The following PCDH15 variants were observed in gnomAD, a reference collection of about 807,000 sequenced individuals.
PCDH15 encodes protocadherin related 15, also known as protocadherin-15.
PCDH15 carries 129 observed loss-of-function variants against 178.5 expected under a neutral mutation model. That is an observed-to-expected ratio of 0.72 (90% CI 0.63 to 0.84). PCDH15 has a LOEUF of 0.84. Ranked by LOEUF, PCDH15 falls within the 40% of genes least tolerant of loss-of-function variation. PCDH15 has a pLI of 0.00. For missense variants in PCDH15, 2,230 were observed against 2,099.9 expected (o/e 1.06, Z -1.21); for synonymous variants, 800 against 732.0 (o/e 1.09, Z -1.50).
intron 1 of PCDH15, among the ~76,000 whole-genome samples, chr10:55,314,602 T>C (rs922855090): frequency 3.3e-5 from 5 of 151,686 alleles, no homozygotes; most frequent in Non-Finnish European, 5.9e-5. Context: ...TCCAACTGCC[T>C]GTAACTTTTT....
chr10:54,818,414 T>C (rs1952981808), intron 3 of PCDH15, among the ~76,000 whole-genome samples: 1 of 152,044 alleles, frequency 6.6e-6, no homozygotes, highest in African/African-American at 2.4e-5. Flanking sequence ...TCACTTTTCT[T>C]ATTAAGAGGC....
chr10:53,980,522 G>C (rs1302387120), intron 21 of PCDH15, among the ~76,000 whole-genome samples: 1 of 152,104 alleles, frequency 6.6e-6, no homozygotes, highest in African/African-American at 2.4e-5. Context: ...GAGGATGTAA[G>C]CACTGTACCA....
chr10:55,342,797 G>A (rs1588935302), intron 2 of PCDH15, among the ~76,000 whole-genome samples: 1 of 152,264 alleles, frequency 6.6e-6, no homozygotes, highest in South Asian at 2.1e-4. Context: ...GCTGAGGAGG[G>A]CACATTTCTG....
intron 2 of PCDH15, among the ~76,000 whole-genome samples, chr10:55,481,464 G>T (rs1450012203): frequency 1.3e-5 from 2 of 151,456 alleles, no homozygotes; most frequent in Non-Finnish European, 3.0e-5. Flanking sequence ...TTTTGATGTG[G>T]TTTTTTAGTG....
chr10:55,077,438 T>TC (rs1841931226), intron 2 of PCDH15, among the ~76,000 whole-genome samples: 1 of 74,834 alleles, frequency 1.3e-5, no homozygotes, highest in Non-Finnish European at 2.6e-5. Context: ...TTCCTTCCTT[T>TC]CTTCCTTCCT....
At chr10:54,353,806 A>G (rs1296761683) in intron 5 of PCDH15, among the ~76,000 whole-genome samples, 1 of 152,130 alleles carries the variant, frequency 6.6e-6, no homozygotes, top group Non-Finnish European at 1.5e-5. Context: ...CTAGATGATT[A>G]ATATTAAGGG....
chr10:55,184,137 T>C (rs1839730242), intron 1 of PCDH15, among the ~76,000 whole-genome samples: 1 of 151,816 alleles, frequency 6.6e-6, no homozygotes, highest in African/African-American at 2.4e-5. Flanking sequence ...GTAACTAAGG[T>C]CTCAACTTGG....
chr10:55,348,545 AC>A (rs1444499129), intron 2 of PCDH15, among the ~76,000 whole-genome samples: 1 of 152,206 alleles, frequency 6.6e-6, no homozygotes, highest in East Asian at 1.9e-4. Flanking sequence ...AAGTAAACAC[AC>A]AAACATAGTG....
chr10:54,944,417 A>C (rs1838139399), intron 2 of PCDH15, among the ~76,000 whole-genome samples: 1 of 151,940 alleles, frequency 6.6e-6, no homozygotes, highest in Admixed American at 6.6e-5. Flanking sequence ...ATCTAAATTA[A>C]AAGGAAGGGA....
chr10:54,661,246 C>T (rs111750154), intron 2 of PCDH15, among the ~76,000 whole-genome samples: 3 of 151,912 alleles, frequency 2.0e-5, no homozygotes, highest in Admixed American at 6.6e-5. Context: ...TTACATAGAT[C>T]GACAACACTC....
chr10:55,074,354 C>G (rs548604055), intron 2 of PCDH15, among the ~76,000 whole-genome samples: 1 of 152,120 alleles, frequency 6.6e-6, no homozygotes, highest in Non-Finnish European at 1.5e-5. Context: ...TCCTATTTCT[C>G]CACAGTCTTA....
At chr10:55,353,834 A>ATATT (rs1001839674) in intron 2 of PCDH15, among the ~76,000 whole-genome samples, 5 of 152,058 alleles carry the variant, frequency 3.3e-5, no homozygotes, top group Non-Finnish European at 5.9e-5. Flanking sequence ...CGTGGGTTGT[A>ATATT]TATTTGATCA....
At chr10:54,066,710 A>C in intron 18 of PCDH15, 47 bp downstream of exon 18, 3 of 1,574,566 alleles carry the variant, frequency 1.9e-6, no homozygotes, top group Non-Finnish European at 2.6e-6. Flanking sequence ...ATAAACTTAC[A>C]CTCTTTGAAA....
intron 8 of PCDH15, among the ~76,000 whole-genome samples, chr10:54,286,445 A>G (rs2059031518): frequency 6.6e-6 from 1 of 152,180 alleles, no homozygotes; most frequent in Non-Finnish European, 1.5e-5. Flanking sequence ...TCTACATACT[A>G]AAACAAAGAA....
At chr10:54,076,834 A>T (rs1483221714) in intron 17 of PCDH15, among the ~76,000 whole-genome samples, 1 of 152,080 alleles carries the variant, frequency 6.6e-6, no homozygotes, top group East Asian at 1.9e-4. Flanking sequence ...AAATTTTCAA[A>T]CTCATCCTGG....
At chr10:54,950,378 TG>T (rs1211223896) in intron 2 of PCDH15, among the ~76,000 whole-genome samples, 15 of 151,964 alleles carry the variant, frequency 9.9e-5, no homozygotes, top group African/African-American at 3.6e-4. Context: ...GATTCAGTCA[TG>T]GGGGTGGGTC....
intron 2 of PCDH15, among the ~76,000 whole-genome samples, chr10:55,471,394 T>G (rs1243776981): frequency 1.3e-5 from 2 of 152,238 alleles, no homozygotes; most frequent in South Asian, 4.1e-4. Flanking sequence ...ATATAATTTA[T>G]GAATAAGTCA....
intron 28 of PCDH15, among the ~76,000 whole-genome samples, chr10:53,849,825 C>T (rs1236922654): frequency 2.3e-5 from 3 of 129,468 alleles, no homozygotes; most frequent in Non-Finnish European, 4.6e-5. Context: ...CGCGCCACTG[C>T]ACTCCAGCCT....
intron 26 of PCDH15, among the ~76,000 whole-genome samples, chr10:53,896,999 T>G (rs1010184619): frequency 2.0e-5 from 3 of 152,174 alleles, no homozygotes; most frequent in African/African-American, 7.2e-5. Flanking sequence ...TGCACTTCAG[T>G]CATCCCCAAA....
Sources: allele counts gnomAD v4.1 joint callset (sites outside exome capture counted in the v4.1 genomes callset), GRCh38; gene constraint gnomAD v4.1.1; transcripts MANE v1.5; gene names NCBI Gene and HGNC (gene_info 2026-07-23, HGNC 2026-07-21).